ROBO2: variants seen among roughly 807,000 people sequenced by gnomAD.
The protein encoded by ROBO2 is roundabout guidance receptor 2.
In ROBO2, 53 loss-of-function variants were observed where a neutral mutation model predicts 160.8. That is an observed-to-expected ratio of 0.33 (90% confidence interval 0.26 to 0.41). The LOEUF (loss-of-function observed/expected upper bound fraction) is 0.41, where lower values mean the gene tolerates loss of function less well. Ranked by LOEUF, ROBO2 falls within the 10% of genes least tolerant of loss-of-function variation. The probability of loss-of-function intolerance (pLI) is 1.00; values close to 1 mark genes in which losing one functional copy is unlikely to be tolerated. For synonymous variants in ROBO2, 664 were observed against 611.7 expected, an observed-to-expected ratio of 1.09 and a Z score of -1.26; for missense variants, 1,577 against 1,722.4, an observed-to-expected ratio of 0.92 and a Z score of 1.49.
intron 2 of ROBO2, among the ~76,000 whole-genome samples, chr3:77,325,205 C>T (rs1207473911): frequency 6.6e-6 from 1 of 152,174 alleles, no homozygotes; most frequent in African/African-American, 2.4e-5. Flanking sequence ...AATATATTCT[C>T]TGATCCTGAA....
Position 76,776,978 on chromosome 3 carries a change from T to C in ROBO2, c.110-321036T>C, listed in dbSNP as rs184484921. On this transcript the variant is annotated intron_variant, in intron 2 of 26. Transcript: ENST00000487694. ...GTTAACTCACGTTCAGAGTATCTTG[T>C]TAAAAGTGAATAACTTATTCAGTGG... Among the ~76,000 whole-genome samples, 15 of 151,088 alleles carry C rather than the reference T, an allele frequency of 9.9e-5. No individual in the cohort carries two copies. In the East Asian group the frequency reaches 2.7e-3, roughly 28 times the overall value.
At chr3:76,180,956 G>A (rs778863698) in intron 2 of ROBO2, among the ~76,000 whole-genome samples, 2 of 152,012 alleles carry the variant, frequency 1.3e-5, no homozygotes, top group South Asian at 2.1e-4. Context: ...CTCCTAAAGC[G>A]AGTCAACCTT....
At chr3:76,414,517 G>GA (rs1396440847) in intron 2 of ROBO2, among the ~76,000 whole-genome samples, 2 of 146,462 alleles carry the variant, frequency 1.4e-5, no homozygotes, top group East Asian at 2.0e-4. Flanking sequence ...ATCGCAAGAA[G>GA]AAAAAACCAA....
intron 2 of ROBO2, among the ~76,000 whole-genome samples, chr3:76,377,076 G>T (rs1291979498): frequency 6.6e-6 from 1 of 152,122 alleles, no homozygotes; most frequent in African/African-American, 2.4e-5. Flanking sequence ...GGTTGGGCTG[G>T]TCCTGTTGTT....
intron 2 of ROBO2, among the ~76,000 whole-genome samples, chr3:76,055,414 G>A (rs77967051): frequency 0.021 from 3,121 of 152,234 alleles, 44 homozygotes; most frequent in East Asian, 0.081. Flanking sequence ...CGTGATGGCA[G>A]GAAATGTACT....
intron 2 of ROBO2, among the ~76,000 whole-genome samples, chr3:76,199,548 G>T (rs899389793): frequency 7.2e-5 from 11 of 152,076 alleles, no homozygotes; most frequent in Non-Finnish European, 1.5e-4. Flanking sequence ...TGAATTGTTG[G>T]TAACTTCGTG....
intron 2 of ROBO2, among the ~76,000 whole-genome samples, chr3:77,464,966 G>A (rs1369191143): frequency 6.6e-6 from 1 of 152,130 alleles, no homozygotes; most frequent in Non-Finnish European, 1.5e-5. Context: ...TATAACATTT[G>A]AGTATTTAGT....
chr3:76,028,186 C>T (rs756679952), intron 2 of ROBO2, among the ~76,000 whole-genome samples: 2 of 151,726 alleles, frequency 1.3e-5, no homozygotes, highest in Non-Finnish European at 2.9e-5. Context: ...CACAATAAAA[C>T]ACGTGAAAGA....
intron 2 of ROBO2, among the ~76,000 whole-genome samples, chr3:76,995,328 A>G (rs1175036892): frequency 1.3e-5 from 2 of 151,844 alleles, no homozygotes; most frequent in African/African-American, 4.8e-5. Context: ...ATGTGCCACA[A>G]TTTTCTTAAT....
At chr3:76,616,417 C>A (rs1203707572) in intron 2 of ROBO2, among the ~76,000 whole-genome samples, 2 of 152,160 alleles carry the variant, frequency 1.3e-5, no homozygotes, top group Non-Finnish European at 2.9e-5. Flanking sequence ...GGTAGGAACA[C>A]CTTGTGTGAT....
chr3:75,951,782 C>T (rs1234545229), intron 2 of ROBO2, among the ~76,000 whole-genome samples: 1 of 151,932 alleles, frequency 6.6e-6, no homozygotes, highest in Non-Finnish European at 1.5e-5. Context: ...GAAAGTTTTC[C>T]TTTCCATTTG....
At chr3:76,663,453 C>T (rs1270492786) in intron 2 of ROBO2, among the ~76,000 whole-genome samples, 1 of 152,132 alleles carries the variant, frequency 6.6e-6, no homozygotes, top group East Asian at 1.9e-4. Flanking sequence ...GCAGGTCTTT[C>T]CAAAGATTGT....
intron 2 of ROBO2, among the ~76,000 whole-genome samples, chr3:77,022,724 G>T (rs1196795991): frequency 3.3e-5 from 5 of 152,148 alleles, no homozygotes; most frequent in African/African-American, 1.2e-4. Flanking sequence ...GGTAAGGAAA[G>T]ATATCACACC....
At chr3:76,633,802 A>T (rs998621343) in intron 2 of ROBO2, among the ~76,000 whole-genome samples, 1 of 152,226 alleles carries the variant, frequency 6.6e-6, no homozygotes, top group Non-Finnish European at 1.5e-5. Flanking sequence ...ATGTAATTTA[A>T]TCAAGAACAA....
intron 2 of ROBO2, among the ~76,000 whole-genome samples, chr3:76,219,180 T>G: frequency 6.6e-6 from 1 of 152,208 alleles, no homozygotes; most frequent in Non-Finnish European, 1.5e-5. Context: ...GATTAAAGAC[T>G]TACATGTTAG....
At chr3:76,858,413 G>A (rs567503387) in intron 2 of ROBO2, among the ~76,000 whole-genome samples, 19 of 152,064 alleles carry the variant, frequency 1.2e-4, no homozygotes, top group East Asian at 3.9e-4. Context: ...CAAGGCACCC[G>A]CCACCACACG....
At chr3:77,485,821 G>T (rs73103689) in intron 4 of ROBO2, among the ~76,000 whole-genome samples, 6,215 of 152,174 alleles carry the variant, frequency 0.041, 167 homozygotes, top group Non-Finnish European at 0.059. Context: ...TGCAGGATGT[G>T]TAGGTTTGTT....
intron 2 of ROBO2, among the ~76,000 whole-genome samples, chr3:76,291,277 C>T (rs1266730358): frequency 1.3e-5 from 2 of 151,936 alleles, no homozygotes; most frequent in Non-Finnish European, 2.9e-5. Context: ...ATTTTGGGAG[C>T]TTGCATGTTT....
At chr3:77,417,844 A>G (rs978830346) in intron 2 of ROBO2, among the ~76,000 whole-genome samples, 1 of 152,068 alleles carries the variant, frequency 6.6e-6, no homozygotes, top group Non-Finnish European at 1.5e-5. Context: ...TTTTTTCTGG[A>G]AAGTTAAACC....
Sources: gnomAD v4.1 joint callset for allele counts (sites outside exome capture counted in the v4.1 genomes callset) on GRCh38, gnomAD v4.1.1 for gene constraint, MANE v1.5 for transcripts, NCBI Gene and HGNC (gene_info 2026-07-23, HGNC 2026-07-21) for gene names.